The following ALOX15B variants were observed in gnomAD, a reference collection of about 807,000 sequenced individuals.
ALOX15B encodes the protein arachidonate 15-lipoxygenase type B, also known as polyunsaturated fatty acid lipoxygenase ALOX15B.
A neutral mutation model predicts 73.8 loss-of-function variants in ALOX15B; 74 were observed. The ratio of observed to expected loss-of-function variants is 1.00; its 90% confidence interval spans 0.83 to 1.22. The LOEUF is 1.22. Among genes scored for constraint, ALOX15B ranks in the 50% most tolerant of loss-of-function variants. The pLI, the probability that ALOX15B is intolerant of heterozygous loss-of-function variation, is 0.00. For missense variants in ALOX15B, 896 were observed against 859.9 expected, an observed-to-expected ratio of 1.04 and a Z score of -0.52; for synonymous variants, 353 against 357.2, an observed-to-expected ratio of 0.99 and a Z score of 0.13.
intron 4 of ALOX15B, 36 bp from the exon 5 acceptor site, chr17:8,042,745 T>C: frequency 1.3e-6 from 2 of 1,525,652 alleles, no homozygotes; most frequent in East Asian, 2.4e-5. Context: ...TCCCAGGGCC[T>C]CCTCCCCACT....
In ALOX15B at chr17:8,047,789, G is replaced by A. The variant is rs150995682; in HGVS notation, c.1725G>A (p.Gln575=). The A allele has an allele frequency of 1.4e-5, 23 of 1,614,050 alleles. No homozygotes were observed. The highest frequency in any genetic ancestry group is 3.3e-5 in the Admixed American group (2 of 60,000). Residue 575 remains glutamine, a synonymous_variant, in exon 13 of 14, where the codon CAG becomes CAA. Transcript: ENST00000380183. The part of the protein sequence containing the change: ...AWMPNLPPSM[Q]LPPPTSKGLA... ...TGCCCAACCTGCCACCCAGCATGCA[G>A]CTGCCACCACCCACCTCCAAAGGCC...
At chr17:8,045,713 C>T (rs750087441) in intron 8 of ALOX15B, 27 bp downstream of exon 8, 1 of 1,608,990 alleles carries the variant, frequency 6.2e-7, no homozygotes, top group Admixed American at 1.7e-5. Context: ...GGTGGCCCAG[C>T]CTGTGCCCAT....
At position 8,047,168 on chromosome 17, in the gene ALOX15B, A is replaced by T. The variant is rs959214905; in HGVS notation, c.1458-90A>T. 19 of 1,606,750 alleles carry T rather than the reference A, an allele frequency of 1.2e-5. No individual in the cohort carries two copies. In the East Asian group the frequency reaches 3.6e-4, roughly 30 times the overall value. On this transcript the variant is annotated intron_variant, in intron 10 of 13. Transcript: ENST00000380183. Reference sequence around the variant, plus strand: ...GGCCCCAGGGAGGCTCACGTTGAGGAGGAGGGCCAGACATTCATGATGCTA... The same window carrying T: ...GGCCCCAGGGAGGCTCACGTTGAGGTGGAGGGCCAGACATTCATGATGCTA...
chr17:8,042,494 G>A lies in ALOX15B; in HGVS notation c.572+3G>A, dbSNP rs1567970470. On this transcript the variant is annotated splice_donor_region_variant and intron_variant, in intron 4 of 13. Transcript: ENST00000380183. ...TTTTATCTACAGGCTGGCTCTGCGT[G>A]AGGATGCCCACCCTTCCCTGCCCCT... The A allele has an allele frequency of 6.2e-7, 1 of 1,612,824 alleles. No homozygotes were observed. The highest frequency in any genetic ancestry group is 1.3e-5 in the African/African-American group (1 of 74,890).
In ALOX15B at chr17:8,046,700, C is replaced by A. The variant is rs752661884; in HGVS notation, c.1233C>A (p.His411Gln). Residue 411 changes from histidine (H) to glutamine (Q), a missense_variant, in exon 9 of 14, where the codon CAC (histidine) becomes CAA (glutamine). Coordinates refer to ENST00000380183, the MANE Select transcript of ALOX15B (RefSeq NM_001141.3). ...LLIPHTRYTL[H>Q]INTLARELLI... ...TCCCGCACACCCGATACACCCTGCA[C>A]ATCAACACACTCGCCCGGGAGCTGC... is the stretch of plus-strand genomic sequence containing the variant. 2 of 1,614,048 alleles carry A rather than the reference C, an allele frequency of 1.2e-6. No homozygotes were observed. The highest frequency in any genetic ancestry group is 2.2e-5 in the South Asian group (2 of 91,028).
At chr17:8,039,359 C>A in intron 1 of ALOX15B, 27 bp from the exon 2 acceptor site, 1 of 1,603,514 alleles carries the variant, frequency 6.2e-7, no homozygotes. Flanking sequence ...GAGGGTCCGG[C>A]CTGACGCATA....
chr17:8,039,216 A>G lies in ALOX15B; in HGVS notation c.61A>G (p.Lys21Glu), dbSNP rs1976356351. The G allele has an allele frequency of 6.2e-7, 1 of 1,611,918 alleles. No individual in the cohort carries two copies. The highest frequency in any genetic ancestry group is 8.5e-7 in the Non-Finnish European group (1 of 1,178,964). Reference protein sequence around the residue: ...GEAFGAGTWDKVSVSIVGTRG... With the variant: ...GEAFGAGTWDEVSVSIVGTRG... The stretch of plus-strand genomic sequence containing the variant: ...AGCCTTCGGGGCTGGCACATGGGAC[A>G]AAGTGTCTGTCAGCATCGTGGGGAC... Residue 21 changes from lysine to glutamate, a missense_variant, in exon 1 of 14, where the codon AAA becomes GAA. Coordinates refer to ENST00000380183, the MANE Select transcript of ALOX15B (RefSeq NM_001141.3).
rs1388244590 is a variant in ALOX15B, at chr17:8,045,229, C to A, written c.850-9C>A. ...CAGGTGGCAGCCCCAGATCTCCTTT[C>A]TTCTGCAGAAGGGCTCCCTGTTCTT... On this transcript the variant is annotated splice_polypyrimidine_tract_variant and intron_variant, in intron 6 of 13. Transcript: ENST00000380183. The A allele has an allele frequency of 7.7e-5, 124 of 1,613,970 alleles. No homozygotes were observed. The highest frequency in any genetic ancestry group is 1.0e-4 in the Non-Finnish European group (121 of 1,180,036).
rs751316735 is a variant in ALOX15B at position 8,045,294 on chromosome 17, C to A, written c.906C>A (p.Val302=). ...TCCTCTCTGGCATCCAGACCAATGTCATTAATGGGAAGCCTCAGTTCTCTG... is the reference window on the plus strand; with the variant it reads ...TCCTCTCTGGCATCCAGACCAATGTAATTAATGGGAAGCCTCAGTTCTCTG... The part of the protein sequence containing the change: ...HGILSGIQTN[V]INGKPQFSAA... The change falls in exon 7 of 14, where the codon GTC becomes GTA. Residue 302 remains valine (V), a synonymous_variant. Transcript: ENST00000380183. The A allele has an allele frequency of 6.2e-7, 1 of 1,614,190 alleles. No homozygotes were observed. Among genetic ancestry groups the A allele is most frequent in the Non-Finnish European group, 8.5e-7 (1 of 1,180,034 alleles).
chr17:8,046,554 T>C, intron 8 of ALOX15B, 114 bp from the exon 9 acceptor site: 2 of 1,090,634 alleles, frequency 1.8e-6, no homozygotes, highest in Non-Finnish European at 2.7e-6. Flanking sequence ...CTGCCTCCTC[T>C]CATTCTTGTT....
chr17:8,045,907 G>A (rs1237300771), intron 8 of ALOX15B, among the ~76,000 whole-genome samples: 4 of 152,156 alleles, frequency 2.6e-5, no homozygotes, highest in Admixed American at 2.6e-4. Context: ...AGATCAGGCA[G>A]CATCAACAGC....
chr17:8,048,460 C>T lies in ALOX15B; in HGVS notation c.1926C>T (p.Ser642=). Residue 642 remains serine (S), a synonymous_variant, in exon 14 of 14, where the codon AGC becomes AGT. Coordinates refer to ENST00000380183, the MANE Select transcript of ALOX15B (RefSeq NM_001141.3). ...GGCGGAGCATCGCCACCTTCCAGAG[C>T]CGCCTGGCCCAGATCTCGAGGGGCA... ...APRRSIATFQ[S]RLAQISRGIQ... 1 of 1,614,114 alleles carries T rather than the reference C, an allele frequency of 6.2e-7. No individual in the cohort carries two copies. Among genetic ancestry groups the T allele is most frequent in the South Asian group, 1.1e-5 (1 of 91,082 alleles).
rs368921266 is a variant in ALOX15B, at chr17:8,042,485, G to A, written c.566G>A (p.Gly189Asp). 6.2e-7 allele frequency: 1 copy of A among 1,613,336 alleles called. No homozygotes were observed. Among genetic ancestry groups the A allele is most frequent in the Non-Finnish European group, 8.5e-7 (1 of 1,179,916 alleles). ...AKNANFYLQA[G>D]SAFAEMKIKG... ...AATGCCAACTTTTATCTACAGGCTG[G>A]CTCTGCGTGAGGATGCCCACCCTTC... The change falls in exon 4 of 14, where the codon GGC becomes GAC. Residue 189 changes from glycine to aspartate, a missense_variant. By Grantham distance (94) the Gly-to-Asp change is moderately conservative (BLOSUM62 -1). Coordinates refer to ENST00000380183, the MANE Select transcript of ALOX15B (RefSeq NM_001141.3).
At chr17:8,048,362 C>T (rs1976668395) in intron 13 of ALOX15B, 24 bp from the exon 14 acceptor site, 1 of 1,599,886 alleles carries the variant, frequency 6.3e-7, no homozygotes. Context: ...AGCCGCCTCA[C>T]CCAACCTTGT....
At chr17:8,046,149 C>T (rs1480941827) in intron 8 of ALOX15B, among the ~76,000 whole-genome samples, 1 of 152,212 alleles carries the variant, frequency 6.6e-6, no homozygotes, top group African/African-American at 2.4e-5. Flanking sequence ...AGGATGGCCC[C>T]CTCCCAGGGT....
chr17:8,044,771 A>G, intron 5 of ALOX15B, 58 bp from the exon 6 acceptor site: 1 of 233,564 alleles, frequency 4.3e-6, no homozygotes, highest in Non-Finnish European at 8.0e-6. Flanking sequence ...CGTGTCCCCC[A>G]CCCCCTGCAA....
chr17:8,045,401 G>C lies in ALOX15B; in HGVS notation c.996+17G>C, dbSNP rs200431745. ...GCCATCCAGGTATGCAGTCAGGCAG[G>C]GGCAGGGCAGCGTGAAGAAGAGTCA... On this transcript the variant is annotated intron_variant, in intron 7 of 13. Coordinates refer to ENST00000380183, the MANE Select transcript of ALOX15B (RefSeq NM_001141.3). 1.2e-6 allele frequency: 2 copies of C among 1,613,744 alleles called. No homozygotes were observed. Among genetic ancestry groups the C allele is most frequent in the South Asian group, 1.1e-5 (1 of 91,084 alleles).
At chr17:8,043,507 G>A (rs901649599) in intron 5 of ALOX15B, among the ~76,000 whole-genome samples, 1 of 152,224 alleles carries the variant, frequency 6.6e-6, no homozygotes, top group African/African-American at 2.4e-5. Context: ...CACGGGGGTC[G>A]CACAGGACTT....
Position 8,045,575 on chromosome 17 carries a change from C to T in ALOX15B, c.1089C>T (p.Ala363=), listed in dbSNP as rs962085806. The change falls in exon 8 of 14, where the codon GCC becomes GCT. Residue 363 remains alanine (A), a synonymous_variant. Transcript: ENST00000380183. ...WLLAKTWVRN[A]EFSFHEALTH... The stretch of plus-strand genomic sequence containing the variant: ...TGGCCAAGACCTGGGTGCGCAATGC[C>T]GAGTTCTCCTTCCATGAGGCCCTCA... 23 of 1,614,046 alleles carry T rather than the reference C, an allele frequency of 1.4e-5. No individual in the cohort carries two copies. Among genetic ancestry groups the T allele is most frequent in the Middle Eastern group, 1.6e-4 (1 of 6,084 alleles).
Sources: allele counts gnomAD v4.1 joint callset (sites outside exome capture counted in the v4.1 genomes callset), GRCh38; gene constraint gnomAD v4.1.1; transcripts MANE v1.5; gene names NCBI Gene and HGNC (gene_info 2026-07-23, HGNC 2026-07-21).